Variants in SLC25A53 observed in about 807,000 individuals in gnomAD.
The protein encoded by SLC25A53 is solute carrier family 25 member 53, also known as mitochondrial carrier triple repeat protein 6.
Under a neutral mutation model 15.0 loss-of-function variants are expected in SLC25A53, and 5 were observed. The observed-to-expected ratio is 0.33, with a 90% CI of 0.17 to 0.70. SLC25A53 has a LOEUF of 0.70. Among genes scored for constraint, SLC25A53 ranks in the 30% least tolerant of loss-of-function variants. The probability of loss-of-function intolerance (pLI) is 0.67; values close to 1 mark genes in which losing one functional copy is unlikely to be tolerated. For missense variants in SLC25A53, 216 were observed against 241.6 expected, an observed-to-expected ratio of 0.89 and a Z score of 0.70; for synonymous variants, 95 against 100.0, an observed-to-expected ratio of 0.95 and a Z score of 0.30.
At chrX:104,107,395 G>A (rs1556356580) in intron 1 of SLC25A53, among the ~76,000 whole-genome samples, 1 of 111,648 alleles carries the variant, frequency 9.0e-6, no homozygotes, top group African/African-American at 3.3e-5. Flanking sequence ...GCTGAGAACT[G>A]AGCAGGAGTA....
intron 1 of SLC25A53, among the ~76,000 whole-genome samples, chrX:104,134,144 G>T (rs1352672655): frequency 2.7e-5 from 3 of 111,466 alleles, no homozygotes; most frequent in Non-Finnish European, 5.6e-5. Flanking sequence ...TCTGGGAAAA[G>T]AAACTGTCAA....
chrX:104,137,026 A>T (rs1265376693), intron 1 of SLC25A53, among the ~76,000 whole-genome samples: 1 of 111,517 alleles, frequency 9.0e-6, no homozygotes, highest in East Asian at 2.8e-4. Flanking sequence ...TATCTGTATT[A>T]TCCCATTTAA....
chrX:104,127,267 CTATT>C (rs1449901843), intron 1 of SLC25A53, among the ~76,000 whole-genome samples: 21 of 112,083 alleles, frequency 1.9e-4, no homozygotes, highest in African/African-American at 6.2e-4. Context: ...GTATAGGACT[CTATT>C]TATGTAACAT....
chrX:104,116,522 G>A (rs1602493330), intron 1 of SLC25A53, among the ~76,000 whole-genome samples: 1 of 110,942 alleles, frequency 9.0e-6, no homozygotes, highest in Non-Finnish European at 1.9e-5. Context: ...GAGAGGGGGA[G>A]GGGTATGATG....
At position 104,099,242 on chromosome X, in the gene SLC25A53, T is replaced by A. The variant is rs782677383; in HGVS notation, c.*5092A>T. On this transcript the variant is annotated 3_prime_UTR_variant, in exon 2 of 2. Transcript: ENST00000594199. ...CCACAGTATTCAATTTATTGTGTAT[T>A]TCAAAATAGCTAGAAGAGAAGATTT... 1.2e-4 allele frequency: 13 copies of A among 112,189 alleles called. No homozygotes were observed. Among genetic ancestry groups the A allele is most frequent in the African/African-American group, 4.2e-4 (13 of 30,880 alleles). The allele number at this position is 112,189 out of a possible 1,213,427, so 9.2% of individuals were successfully genotyped here. A position where few individuals can be genotyped will look rare whatever the true frequency, so the allele number is the denominator to read the frequency against.
At chrX:104,149,477 C>T (rs150153273) in intron 1 of SLC25A53, among the ~76,000 whole-genome samples, 2,965 of 112,221 alleles carry the variant, frequency 0.026, 30 homozygotes, top group Non-Finnish European at 0.041. Flanking sequence ...GCTGGAACCT[C>T]GGCTAGGGCT....
chrX:104,142,344 G>A (rs2075452989), intron 1 of SLC25A53, among the ~76,000 whole-genome samples: 1 of 112,136 alleles, frequency 8.9e-6, no homozygotes, highest in African/African-American at 3.2e-5. Flanking sequence ...AGACAGAGAT[G>A]AGCAAATGTC....
chrX:104,113,684 T>C (rs1391378867), intron 1 of SLC25A53: 2 of 130,111 alleles, frequency 1.5e-5, no homozygotes, highest in Admixed American at 1.6e-4. Context: ...ACACAACCAT[T>C]GAGTTCCGTT....
intron 1 of SLC25A53, among the ~76,000 whole-genome samples, chrX:104,105,970 C>A (rs1403568991): frequency 8.9e-6 from 1 of 111,977 alleles, no homozygotes; most frequent in Non-Finnish European, 1.9e-5. Context: ...TTCTTAACCT[C>A]AGTGCTATTG....
At chrX:104,153,584 T>C (rs1439204887) in intron 1 of SLC25A53, among the ~76,000 whole-genome samples, 1 of 111,942 alleles carries the variant, frequency 8.9e-6, no homozygotes, top group Non-Finnish European at 1.9e-5. Flanking sequence ...ACCTCAAACA[T>C]AATTTATTAC....
At chrX:104,110,006 G>T (rs2075331545) in intron 1 of SLC25A53, among the ~76,000 whole-genome samples, 1 of 111,339 alleles carries the variant, frequency 9.0e-6, no homozygotes, top group Non-Finnish European at 1.9e-5. Flanking sequence ...TTGAAGCCAG[G>T]TTGCAAATAC....
chrX:104,150,111 T>C (rs1556370073), intron 1 of SLC25A53, among the ~76,000 whole-genome samples: 2 of 108,816 alleles, frequency 1.8e-5, no homozygotes, highest in African/African-American at 6.7e-5. Flanking sequence ...CACACACCTG[T>C]AGTCCCAGCT....
At chrX:104,119,303 C>T (rs1242439632) in intron 1 of SLC25A53, among the ~76,000 whole-genome samples, 1 of 112,129 alleles carries the variant, frequency 8.9e-6, no homozygotes, top group Non-Finnish European at 1.9e-5. Flanking sequence ...TGTTCAAAAG[C>T]AACCCCTTTT....
chrX:104,136,944 A>G (rs2075438106), intron 1 of SLC25A53, among the ~76,000 whole-genome samples: 1 of 112,131 alleles, frequency 8.9e-6, no homozygotes, highest in Non-Finnish European at 1.9e-5. Context: ...ACAGAGAATT[A>G]AAATAGCCAT....
intron 1 of SLC25A53, among the ~76,000 whole-genome samples, chrX:104,146,840 G>C (rs1237780455): frequency 9.0e-6 from 1 of 110,911 alleles, no homozygotes; most frequent in Non-Finnish European, 1.9e-5. Context: ...ATGCTCATGG[G>C]TAGGAAGAAT....
chrX:104,156,551 CTGG>C (rs2075501873), intron 1 of SLC25A53, among the ~76,000 whole-genome samples: 1 of 111,092 alleles, frequency 9.0e-6, no homozygotes. Context: ...CTCAGATGTA[CTGG>C]TGCCCAGCAG....
At chrX:104,115,752 C>G (rs1322522135) in intron 1 of SLC25A53, 1 of 135,181 alleles carries the variant, frequency 7.4e-6, no homozygotes, top group African/African-American at 3.2e-5. Context: ...ATAAGAGTGA[C>G]CAAATATAAG....
At chrX:104,129,749 A>G (rs1229014143) in intron 1 of SLC25A53, among the ~76,000 whole-genome samples, 1 of 107,335 alleles carries the variant, frequency 9.3e-6, no homozygotes, top group Non-Finnish European at 1.9e-5. Context: ...TTATATATGT[A>G]TATATATATA....
At chrX:104,132,936 T>G (rs782726192) in intron 1 of SLC25A53, among the ~76,000 whole-genome samples, 1 of 112,079 alleles carries the variant, frequency 8.9e-6, no homozygotes, top group African/African-American at 3.2e-5. Context: ...GGCTGACCTC[T>G]GAATTATGCA....
Sources: allele counts gnomAD v4.1 joint callset (sites outside exome capture counted in the v4.1 genomes callset), GRCh38; gene constraint gnomAD v4.1.1; transcripts MANE v1.5; gene names NCBI Gene and HGNC (gene_info 2026-07-23, HGNC 2026-07-21).